WDR17: variants seen among roughly 807,000 people sequenced by gnomAD.
WDR17 encodes WD repeat-containing protein 17.
Under a neutral mutation model 161.7 loss-of-function variants are expected in WDR17, and 143 were observed. The observed-to-expected ratio is 0.88, with a 90% CI of 0.77 to 1.02. The LOEUF (loss-of-function observed/expected upper bound fraction) is 1.02, where lower values mean the gene tolerates loss of function less well. Among genes scored for constraint, WDR17 ranks in the 50% least tolerant of loss-of-function variants. The probability of loss-of-function intolerance (pLI) is 0.00; values close to 1 mark genes in which losing one functional copy is unlikely to be tolerated. For missense variants in WDR17, 1,469 were observed against 1,520.9 expected (o/e 0.97, Z 0.57); for synonymous variants, 517 against 515.6 (o/e 1.00, Z -0.04).
intron 7 of WDR17, among the ~76,000 whole-genome samples, chr4:176,132,379 C>T (rs1415873574): frequency 6.6e-6 from 1 of 152,040 alleles, no homozygotes. Context: ...TTGTCAAAAA[C>T]AATCCTCTTT....
Position 176,160,133 on chromosome 4 carries a change from C to A in WDR17, c.2658+7C>A, listed in dbSNP as rs1461623229. 1 of 1,613,046 alleles carries A rather than the reference C, an allele frequency of 6.2e-7. No individual in the cohort carries two copies. The highest frequency in any genetic ancestry group is 8.5e-7 in the Non-Finnish European group (1 of 1,179,444). ...AGCTCTGCTTGTTGCACAGGTAAAA[C>A]CACAGAACTACCCCAGTCACATACA... On this transcript the variant is annotated splice_region_variant and intron_variant, in intron 19 of 28. Transcript: ENST00000508596.
intron 1 of WDR17, among the ~76,000 whole-genome samples, chr4:176,069,302 C>T (rs1200158098): frequency 6.6e-6 from 1 of 151,800 alleles, no homozygotes; most frequent in Non-Finnish European, 1.5e-5. Context: ...GTTAAATGTA[C>T]TTACAAAGTA....
At chr4:176,139,996 T>A (rs776306171) in intron 10 of WDR17, 22 bp downstream of exon 10, 2 of 1,562,288 alleles carry the variant, frequency 1.3e-6, no homozygotes, top group Admixed American at 3.5e-5. Flanking sequence ...GTATGATACA[T>A]GATATGAAAT....
Position 176,182,270 on chromosome 4 carries a change from A to G in WDR17, c.*2691A>G, listed in dbSNP as rs1000499457. ...GTAAAAGTTAGTAACTAGGTGGTTC[A>G]CAAAATTACAACATCAAAATAGTTA... On this transcript the variant is annotated 3_prime_UTR_variant, in exon 29 of 29. Transcript: ENST00000508596. This position sits in a 1 kb window ranked among gnomAD's most constrained non-coding sequence, Gnocchi z 4.2. 6.6e-6 allele frequency: 1 copy of G among 152,012 alleles called. No homozygotes were observed. Among genetic ancestry groups the G allele is most frequent in the African/African-American group, 2.4e-5 (1 of 41,444 alleles). The allele number at this position is 152,012 out of a possible 1,614,324, so 9.4% of individuals were successfully genotyped here.
rs1647283369 is a variant in WDR17 at position 176,137,605 on chromosome 4, T to G, written c.1353T>G (p.Phe451Leu). 6.3e-7 allele frequency: 1 copy of G among 1,584,666 alleles called. No individual in the cohort carries two copies. The highest frequency in any genetic ancestry group is 1.3e-5 in the African/African-American group (1 of 74,400). The change falls in exon 9 of 29, where the codon TTT becomes TTG. Residue 451 changes from phenylalanine (F) to leucine (L), a missense_variant. Phe to Leu is a conservative substitution (Grantham distance 22). Coordinates refer to ENST00000508596, the MANE Select transcript of WDR17 (RefSeq NM_181265.4). ...AAAAGGGCAAAATTATACAACGATT[T>G]AATGAGGTAAGATTTATTTATTGCT... is the stretch of plus-strand genomic sequence containing the variant. ...NVQKGKIIQR[F>L]NEHGTNGIFC...
At chr4:176,164,944 T>A (rs1187316325) in intron 22 of WDR17, among the ~76,000 whole-genome samples, 1 of 152,066 alleles carries the variant, frequency 6.6e-6, no homozygotes, top group African/African-American at 2.4e-5. Flanking sequence ...GAAGCCTAAT[T>A]GAAATTATTT....
intron 2 of WDR17, among the ~76,000 whole-genome samples, chr4:176,115,271 T>G (rs1740417878): frequency 6.6e-6 from 1 of 151,992 alleles, no homozygotes; most frequent in Admixed American, 6.6e-5. Flanking sequence ...CTGTTTATTT[T>G]TTCTATTTAT....
At chr4:176,165,951 CCTGG>C (rs1749709975) in intron 22 of WDR17, among the ~76,000 whole-genome samples, 1 of 152,112 alleles carries the variant, frequency 6.6e-6, no homozygotes, top group Admixed American at 6.6e-5. Context: ...CTGTAATCCT[CCTGG>C]CTATTAGTAG....
chr4:176,141,736 A>C (rs756090189), intron 10 of WDR17, among the ~76,000 whole-genome samples: 6 of 152,186 alleles, frequency 3.9e-5, no homozygotes, highest in Non-Finnish European at 8.8e-5. Flanking sequence ...CCCGGCCAAG[A>C]AAATAGTTTT....
chr4:176,095,974 T>C (rs1182106157), intron 1 of WDR17, among the ~76,000 whole-genome samples: 1 of 152,138 alleles, frequency 6.6e-6, no homozygotes, highest in Non-Finnish European at 1.5e-5. Flanking sequence ...GTCTTTAAAC[T>C]TTTTGACGGG....
chr4:176,142,638 C>G (rs1745462618), intron 11 of WDR17, among the ~76,000 whole-genome samples: 2 of 152,064 alleles, frequency 1.3e-5, no homozygotes, highest in Admixed American at 1.3e-4. Flanking sequence ...ATTGCATTTC[C>G]TAGAATATTG....
At chr4:176,173,240 A>G in intron 24 of WDR17, 27 bp from the exon 25 acceptor site, 2 of 1,465,194 alleles carry the variant, frequency 1.4e-6, no homozygotes, top group East Asian at 2.3e-5. Context: ...TATTTAATGA[A>G]TCTTCCATCT....
At chr4:176,135,391 C>A in intron 8 of WDR17, 115 bp downstream of exon 8, 2 of 1,160,416 alleles carry the variant, frequency 1.7e-6, no homozygotes, top group Non-Finnish European at 2.5e-6. Flanking sequence ...GAATGTAGAG[C>A]AAATTAGTGT....
chr4:176,109,395 T>C (rs78761624), intron 1 of WDR17, among the ~76,000 whole-genome samples: 1,775 of 152,224 alleles, frequency 0.012, 19 homozygotes, highest in Non-Finnish European at 0.019. Context: ...CAGGTGTCAT[T>C]AGACGAGGAG....
chr4:176,072,455 T>C (rs564492633), intron 1 of WDR17, among the ~76,000 whole-genome samples: 14 of 152,222 alleles, frequency 9.2e-5, no homozygotes, highest in Non-Finnish European at 1.9e-4. Flanking sequence ...TTAATTCTGA[T>C]GCGAAATACT....
At chr4:176,114,646 T>C (rs1344024875) in intron 2 of WDR17, among the ~76,000 whole-genome samples, 2 of 151,936 alleles carry the variant, frequency 1.3e-5, no homozygotes, top group African/African-American at 4.8e-5. Context: ...GGAAAGGTGA[T>C]AAGATAAATA....
intron 19 of WDR17, 114 bp downstream of exon 19, chr4:176,160,240 G>GC: frequency 2.4e-6 from 3 of 1,241,958 alleles, no homozygotes; most frequent in Non-Finnish European, 3.3e-6. Flanking sequence ...AAAGGGCTTG[G>GC]CTTCTGCCCT....
chr4:176,086,553 T>A (rs1172070573), intron 1 of WDR17, among the ~76,000 whole-genome samples: 1 of 151,936 alleles, frequency 6.6e-6, no homozygotes, highest in African/African-American at 2.4e-5. Context: ...GCAACGTTCC[T>A]CTCTTTTTGG....
chr4:176,104,045 C>T (rs1442316354), intron 1 of WDR17, among the ~76,000 whole-genome samples: 1 of 151,904 alleles, frequency 6.6e-6, no homozygotes, highest in African/African-American at 2.4e-5. Flanking sequence ...ATACAGGGAT[C>T]CTCAATAGTA....
Sources: gnomAD v4.1 joint callset for allele counts (sites outside exome capture counted in the v4.1 genomes callset) on GRCh38, gnomAD v4.1.1 for gene constraint, Gnocchi (gnomAD v3.1) non-coding constraint, MANE v1.5 for transcripts, NCBI Gene and HGNC (gene_info 2026-07-23, HGNC 2026-07-21) for gene names.